The following CERT1 variants were observed in gnomAD, a reference collection of about 807,000 sequenced individuals.
CERT1 encodes the protein ceramide transporter 1, also known as ceramide transfer protein.
A neutral mutation model predicts 87.9 loss-of-function variants in CERT1; 31 were observed. The ratio of observed to expected loss-of-function variants is 0.35; its 90% confidence interval spans 0.27 to 0.48. CERT1 has a LOEUF of 0.48. Ranked by LOEUF, CERT1 falls within the 20% of genes least tolerant of loss-of-function variation. The pLI is 0.99. For synonymous variants in CERT1, 289 were observed against 250.9 expected, an observed-to-expected ratio of 1.15 and a Z score of -1.44; for missense variants, 487 against 758.0, an observed-to-expected ratio of 0.64 and a Z score of 4.20.
At chr5:75,430,656 T>C in intron 3 of CERT1, among the ~76,000 whole-genome samples, 1 of 151,514 alleles carries the variant, frequency 6.6e-6, no homozygotes, top group East Asian at 1.9e-4. Context: ...CCAATAAAGT[T>C]GATAAAGAAA....
intron 14 of CERT1, among the ~76,000 whole-genome samples, chr5:75,382,761 G>A (rs187638236): frequency 6.6e-6 from 1 of 151,612 alleles, no homozygotes; most frequent in Non-Finnish European, 1.5e-5. Flanking sequence ...TGATTACTGA[G>A]AGTAATAAAT....
chr5:75,418,659 A>G (rs1404867364), intron 6 of CERT1, among the ~76,000 whole-genome samples: 2 of 152,224 alleles, frequency 1.3e-5, no homozygotes. Context: ...GAGCTATGAG[A>G]AGAACTGAAC....
intron 2 of CERT1, among the ~76,000 whole-genome samples, chr5:75,461,095 T>C (rs1382836530): frequency 6.6e-6 from 1 of 152,194 alleles, no homozygotes; most frequent in Non-Finnish European, 1.5e-5. Context: ...TTACTGAGAA[T>C]AGCTTCTTGG....
At position 75,470,639 on chromosome 5, in the gene CERT1, A is replaced by G. The variant is rs549886778; in HGVS notation, c.232-11458T>C. 3.9e-5 allele frequency among the ~76,000 whole-genome samples: 6 copies of G among 152,316 alleles called. No individual in the cohort carries two copies. In the East Asian group the frequency reaches 1.2e-3, roughly 29 times the overall value. ...CTCAACACACTAAAGGCCATATGCA[A>G]CAACTCACAGCTAATACACTGAACA... On this transcript the variant is annotated intron_variant, in intron 2 of 16. Transcript: ENST00000643780.
intron 11 of CERT1, among the ~76,000 whole-genome samples, chr5:75,397,817 T>C (rs1762317493): frequency 1.3e-5 from 2 of 152,054 alleles, no homozygotes; most frequent in Non-Finnish European, 2.9e-5. Flanking sequence ...TCAGGAGTGC[T>C]AGACCAGCCT....
rs145099824 is a variant in CERT1, at chr5:75,473,875, A to T, written c.232-14694T>A. Reference sequence around the variant, plus strand: ...GTCAACTTTTAAAATTAATTTTTTTAAAATGTAAAAAAAAGTTACTTTAAA... The same window carrying T: ...GTCAACTTTTAAAATTAATTTTTTTTAAATGTAAAAAAAAGTTACTTTAAA... On this transcript the variant is annotated intron_variant, in intron 2 of 16. Coordinates refer to ENST00000643780, the MANE Select transcript of CERT1 (RefSeq NM_001379029.1). Among the ~76,000 whole-genome samples, 779 of 152,288 alleles carry T rather than the reference A, an allele frequency of 5.1e-3. 4 individuals are homozygous for T. The highest frequency in any genetic ancestry group is 0.017 in the African/African-American group (717 of 41,552).
At chr5:75,375,986 TG>T (rs1580683791), downstream of CERT1, 1 of 152,186 alleles carries the variant, frequency 6.6e-6, no homozygotes, top group Non-Finnish European at 1.5e-5. Flanking sequence ...TCTTTTCAGC[TG>T]TATCTTTGCA....
intron 2 of CERT1, among the ~76,000 whole-genome samples, chr5:75,466,667 C>T (rs75391680): frequency 0.026 from 3,975 of 152,236 alleles, 146 homozygotes; most frequent in African/African-American, 0.086. Flanking sequence ...AAGCCTCATT[C>T]CAGGAGGGTC....
chr5:75,424,130 A>G (rs1763501063), intron 5 of CERT1, among the ~76,000 whole-genome samples: 2 of 152,212 alleles, frequency 1.3e-5, no homozygotes, highest in Non-Finnish European at 2.9e-5. Context: ...AAGGAAAGTT[A>G]AACTATAAAC....
chr5:75,465,621 G>A (rs1580809973), intron 2 of CERT1, among the ~76,000 whole-genome samples: 1 of 152,206 alleles, frequency 6.6e-6, no homozygotes, highest in African/African-American at 2.4e-5. Context: ...AAAGGAGCCA[G>A]GGTAGACTAG....
intron 3 of CERT1, among the ~76,000 whole-genome samples, chr5:75,441,370 G>T (rs1764314715): frequency 6.6e-6 from 1 of 152,082 alleles, no homozygotes; most frequent in Non-Finnish European, 1.5e-5. Flanking sequence ...GACAAACTAT[G>T]CATTTCTCAG....
At chr5:75,427,208 T>C (rs905125408) in intron 3 of CERT1, among the ~76,000 whole-genome samples, 1 of 152,168 alleles carries the variant, frequency 6.6e-6, no homozygotes, top group African/African-American at 2.4e-5. Context: ...AATATAACAA[T>C]ATAGACAAAG....
rs1454638762 is a variant in CERT1 at position 75,381,892 on chromosome 5, C to T, written c.1617+57G>A. On this transcript the variant is annotated intron_variant, in intron 15 of 16. Transcript: ENST00000643780. ...GGCTGTGTTTATCATTTTTGTCCCG[C>T]ATTGTGTATTTAGCTTTATATTGTT... The T allele has an allele frequency of 8.1e-6, 12 of 1,485,032 alleles. No individual in the cohort carries two copies. In the South Asian group the frequency reaches 8.2e-5, roughly 10 times the overall value. The allele number at this position is 1,485,032 out of a possible 1,614,324, so 92.0% of individuals were successfully genotyped here.
At chr5:75,422,975 C>T (rs1005279976) in intron 5 of CERT1, among the ~76,000 whole-genome samples, 3 of 152,102 alleles carry the variant, frequency 2.0e-5, no homozygotes, top group Non-Finnish European at 4.4e-5. Flanking sequence ...AGAAACCAAC[C>T]CTGCCAATAC....
upstream of CERT1, chr5:75,511,744 C>A: frequency 6.5e-7 from 1 of 1,550,316 alleles, no homozygotes; most frequent in Admixed American, 2.0e-5. Flanking sequence ...TCGGGATCCT[C>A]CTCCCGAACC....
At chr5:75,460,431 A>G (rs1765177201) in intron 2 of CERT1, among the ~76,000 whole-genome samples, 1 of 152,244 alleles carries the variant, frequency 6.6e-6, no homozygotes, top group African/African-American at 2.4e-5. Flanking sequence ...ATTAAGGTGT[A>G]AACATTTAGT....
chr5:75,417,596 T>C (rs909355675), intron 6 of CERT1, among the ~76,000 whole-genome samples: 10 of 152,132 alleles, frequency 6.6e-5, no homozygotes, highest in Non-Finnish European at 1.3e-4. Context: ...ATCATAATAT[T>C]CTATAGTTAA....
intron 2 of CERT1, among the ~76,000 whole-genome samples, chr5:75,460,001 G>A (rs1765160674): frequency 2.0e-5 from 3 of 146,640 alleles, no homozygotes; most frequent in African/African-American, 7.6e-5. Context: ...ATGGAGCCTT[G>A]CTATGTTGCC....
At chr5:75,429,057 C>T (rs77457030) in intron 3 of CERT1, among the ~76,000 whole-genome samples, 2,396 of 151,614 alleles carry the variant, frequency 0.016, 72 homozygotes, top group African/African-American at 0.056. Flanking sequence ...CTGGATTTTC[C>T]GCTTCTCAGA....
Sources: allele counts gnomAD v4.1 joint callset (sites outside exome capture counted in the v4.1 genomes callset), GRCh38; gene constraint gnomAD v4.1.1; transcripts MANE v1.5; gene names NCBI Gene and HGNC (gene_info 2026-07-23, HGNC 2026-07-21).